The following C8orf88 variants were observed in gnomAD, a reference collection of about 807,000 sequenced individuals.
The protein encoded by C8orf88 is uncharacterized protein C8orf88.
C8orf88 carries 14 observed loss-of-function variants against 18.4 expected under a neutral mutation model. The ratio of observed to expected loss-of-function variants is 0.76; its 90% CI spans 0.50 to 1.19. The LOEUF is 1.19. Ranked by LOEUF, C8orf88 falls within the 50% of genes most tolerant of loss-of-function variation. The probability of loss-of-function intolerance (pLI) is 0.00; values close to 1 mark genes in which losing one functional copy is unlikely to be tolerated. For synonymous variants in C8orf88, 45 were observed against 42.9 expected, an observed-to-expected ratio of 1.05 and a Z score of -0.19; for missense variants, 116 against 134.7, an observed-to-expected ratio of 0.86 and a Z score of 0.69.
chr8:90,972,417 TAA>T (rs72355572), intron 3 of C8orf88, among the ~76,000 whole-genome samples: 3 of 145,476 alleles, frequency 2.1e-5, no homozygotes, highest in African/African-American at 7.5e-5. Context: ...TTCTAAAAAT[TAA>T]AAAAAAAAAC....
At chr8:90,980,611 C>G in intron 1 of C8orf88, 150 bp from the exon 2 acceptor site, 1 of 512,010 alleles carries the variant, frequency 2.0e-6, no homozygotes, top group Non-Finnish European at 3.4e-6. Flanking sequence ...ATATGCAATA[C>G]TCAGACTCCT....
chr8:90,962,501 C>T (rs1811141971), intron 4 of C8orf88, among the ~76,000 whole-genome samples: 1 of 151,324 alleles, frequency 6.6e-6, no homozygotes, highest in South Asian at 2.1e-4. Context: ...TAACCCAAAG[C>T]CTGTAAAAAC....
intron 3 of C8orf88, among the ~76,000 whole-genome samples, chr8:90,973,841 T>C (rs1586163935): frequency 6.6e-6 from 1 of 152,116 alleles, no homozygotes; most frequent in East Asian, 1.9e-4. Context: ...TAAACAAATG[T>C]ATACCACTCA....
In C8orf88 at chr8:90,967,558, G is replaced by T. The variant is rs151028584; in HGVS notation, c.223+3508C>A. ...GCAATCTAGTCCTGAACTTTTCTTT[G>T]TTGGGAGGTTTTTAATTACTAATTC... On this transcript the variant is annotated intron_variant, in intron 4 of 5. Transcript: ENST00000517562. Among the ~76,000 whole-genome samples the T allele has an allele frequency of 3.3e-3, 504 of 151,824 alleles. 3 individuals carry two copies. The highest frequency in any genetic ancestry group is 4.7e-3 in the Non-Finnish European group (319 of 67,798).
chr8:90,962,451 T>C (rs993650136), intron 4 of C8orf88, among the ~76,000 whole-genome samples: 2 of 151,380 alleles, frequency 1.3e-5, no homozygotes, highest in African/African-American at 4.8e-5. Context: ...AGTAAGCTCA[T>C]AAAAACTGTC....
rs1030492552 is a variant in C8orf88, at chr8:90,960,823, G to A, written c.249C>T (p.Phe83=). The change falls in exon 5 of 6, where the codon TTC becomes TTT. Residue 83 remains phenylalanine (F), a synonymous_variant. Coordinates refer to ENST00000517562, the MANE Select transcript of C8orf88 (RefSeq NM_001190972.2). The part of the protein sequence containing the change: ...KKERIKYSRD[F]LLKLSSVSIC... ...TGGAAACACTTGAGAGCTTCAACAG[G>A]AAATCTCTGCTGTATTTAATTCTCT... 3 of 1,528,940 alleles carry A rather than the reference G, an allele frequency of 2.0e-6. No homozygotes were observed. Among genetic ancestry groups the A allele is most frequent in the African/African-American group, 2.8e-5 (2 of 72,700 alleles). 94.7% of individuals were successfully genotyped at this position (1,528,940 alleles called of 1,614,324 possible).
intron 3 of C8orf88, 87 bp downstream of exon 3, chr8:90,978,492 G>T: frequency 1.5e-6 from 1 of 674,450 alleles, no homozygotes; most frequent in Non-Finnish European, 2.3e-6. Context: ...AAGTATATAA[G>T]CATAGTATCT....
chr8:90,985,270 AGGGGCGGGGGGC>A, upstream of C8orf88: 1 of 2,022 alleles, frequency 4.9e-4, no homozygotes, highest in South Asian at 0.01. Context: ...GCGGGGGGCG[AGGGGCGGGGGGC>A]GGGGCGGGAG....
At position 90,958,965 on chromosome 8, in the gene C8orf88, A is replaced by G. The variant is rs1466960544; in HGVS notation, c.*42T>C. On this transcript the variant is annotated 3_prime_UTR_variant, in exon 6 of 6. Coordinates refer to ENST00000517562, the MANE Select transcript of C8orf88 (RefSeq NM_001190972.2). ...CAGTTATTGTTGCTAGATCCACCTC[A>G]TTTGCAGATGTCCAAACTTAAATTC... The G allele has an allele frequency of 7.6e-7, 1 of 1,319,906 alleles. No individual in the cohort carries two copies. The highest frequency in any genetic ancestry group is 2.4e-5 in the Admixed American group (1 of 42,072). The allele number at this position is 1,319,906 out of a possible 1,614,324, so 81.8% of individuals were successfully genotyped here. A position where few individuals can be genotyped will look rare whatever the true frequency, so the allele number is the denominator to read the frequency against.
intron 4 of C8orf88, among the ~76,000 whole-genome samples, chr8:90,963,383 C>T (rs1206372034): frequency 6.6e-6 from 1 of 151,788 alleles, no homozygotes; most frequent in Admixed American, 6.6e-5. Context: ...ACATTTATAA[C>T]ATTCAAAATG....
At chr8:90,979,336 C>T (rs554664915) in intron 2 of C8orf88, among the ~76,000 whole-genome samples, 19 of 152,120 alleles carry the variant, frequency 1.2e-4, no homozygotes, top group Non-Finnish European at 2.4e-4. Flanking sequence ...AAAAGAGCTG[C>T]TGCAATTGTT....
chr8:90,977,431 A>T (rs1283545513), intron 3 of C8orf88, among the ~76,000 whole-genome samples: 1 of 152,198 alleles, frequency 6.6e-6, no homozygotes, highest in East Asian at 1.9e-4. Context: ...TGTAAAAATG[A>T]AACATATAGA....
chr8:90,965,880 A>T (rs73299905), intron 4 of C8orf88, among the ~76,000 whole-genome samples: 15,213 of 151,872 alleles, frequency 0.1, 2,101 homozygotes, highest in African/African-American at 0.31. Flanking sequence ...CAGCAAAAAC[A>T]GTGTTCAGAT....
intron 3 of C8orf88, among the ~76,000 whole-genome samples, chr8:90,973,411 T>C (rs1033370546): frequency 3.9e-5 from 6 of 152,194 alleles, no homozygotes; most frequent in Non-Finnish European, 5.9e-5. Flanking sequence ...AAGTTTCTTA[T>C]AATTTTATTC....
chr8:90,972,712 G>C (rs980570677), intron 3 of C8orf88, among the ~76,000 whole-genome samples: 8 of 152,082 alleles, frequency 5.3e-5, no homozygotes, highest in Non-Finnish European at 1.2e-4. Context: ...AGGAAAATCA[G>C]ACCAGAAGAG....
Position 90,980,344 on chromosome 8 carries a change from T to C in C8orf88, c.73+19A>G. 1 of 1,466,778 alleles carries C rather than the reference T, an allele frequency of 6.8e-7. No individual in the cohort carries two copies. Among genetic ancestry groups the C allele is most frequent in the Non-Finnish European group, 9.0e-7 (1 of 1,107,622 alleles). 90.9% of individuals were successfully genotyped at this position (1,466,778 alleles called of 1,614,324 possible). ...ATTAACACATTAATATTTAAAGAAC[T>C]GTACAATCTATTACTCACCTGGGGG... is the stretch of plus-strand genomic sequence containing the variant. On this transcript the variant is annotated intron_variant, in intron 2 of 5. Coordinates refer to ENST00000517562, the MANE Select transcript of C8orf88 (RefSeq NM_001190972.2).
At chr8:90,962,520 T>C (rs1304779313) in intron 4 of C8orf88, among the ~76,000 whole-genome samples, 1 of 151,474 alleles carries the variant, frequency 6.6e-6, no homozygotes, top group Non-Finnish European at 1.5e-5. Flanking sequence ...ACCAGGGGAA[T>C]ACTTAGTGAA....
intron 3 of C8orf88, among the ~76,000 whole-genome samples, chr8:90,971,446 C>T (rs1444784790): frequency 6.6e-6 from 1 of 151,822 alleles, no homozygotes; most frequent in African/African-American, 2.4e-5. Flanking sequence ...TTTTTCTTGA[C>T]AAAAATGCCA....
intron 1 of C8orf88, among the ~76,000 whole-genome samples, chr8:90,981,863 G>A (rs1248416642): frequency 1.3e-5 from 2 of 152,052 alleles, no homozygotes; most frequent in African/African-American, 2.4e-5. Context: ...ACTTGATTTT[G>A]CACCTGCTTA....
Sources: gnomAD v4.1 joint callset for allele counts (sites outside exome capture counted in the v4.1 genomes callset) on GRCh38, gnomAD v4.1.1 for gene constraint, MANE v1.5 for transcripts, NCBI Gene and HGNC (gene_info 2026-07-23, HGNC 2026-07-21) for gene names.